NAA25: variants seen among roughly 807,000 people sequenced by gnomAD.
NAA25 encodes the protein N-alpha-acetyltransferase 25, NatB auxiliary subunit, also known as N-terminal acetyltransferase B complex subunit NAA25.
Under a neutral mutation model 132.5 loss-of-function variants are expected in NAA25, and 30 were observed. That is an observed-to-expected ratio of 0.23 (90% CI 0.17 to 0.31). The LOEUF (loss-of-function observed/expected upper bound fraction) is 0.31, where lower values mean the gene tolerates loss of function less well. Among genes scored for constraint, NAA25 ranks in the 10% least tolerant of loss-of-function variants. NAA25 has a pLI of 1.00. For missense variants in NAA25, 771 were observed against 1,150.4 expected (o/e 0.67, Z 4.77); for synonymous variants, 359 against 401.9 (o/e 0.89, Z 1.28).
intron 4 of NAA25, among the ~76,000 whole-genome samples, chr12:112,084,655 T>C (rs2079018885): frequency 6.7e-6 from 1 of 150,238 alleles, no homozygotes; most frequent in African/African-American, 2.5e-5. Context: ...CTGGGCTTAG[T>C]GGCGCGTGCC....
At chr12:112,047,834 G>A (rs1308733389) in intron 16 of NAA25, 44 bp from the exon 17 acceptor site, 1 of 1,536,730 alleles carries the variant, frequency 6.5e-7, no homozygotes, top group Non-Finnish European at 8.8e-7. Context: ...TAGTAAAATA[G>A]CCAGAAAATA....
intron 1 of NAA25, among the ~76,000 whole-genome samples, chr12:112,107,559 G>A (rs1195043793): frequency 3.3e-5 from 5 of 149,282 alleles, no homozygotes; most frequent in African/African-American, 1.2e-4. Context: ...AATCAAATGA[G>A]ATGTGAGAGT....
chr12:112,074,518 G>A (rs1454030056), intron 9 of NAA25, among the ~76,000 whole-genome samples, 157 bp downstream of exon 9: 2 of 152,162 alleles, frequency 1.3e-5, no homozygotes, highest in East Asian at 3.9e-4. Context: ...GAATGAACTT[G>A]TGTATTTTAT....
intron 13 of NAA25, among the ~76,000 whole-genome samples, chr12:112,056,191 G>A (rs145161401): frequency 3.9e-5 from 6 of 152,024 alleles, no homozygotes; most frequent in Middle Eastern, 3.4e-3. Flanking sequence ...AAAATTAGCC[G>A]GGCGTGGTGG....
rs186933664 is a variant in NAA25, at chr12:112,064,167, T to G, written c.1150-2779A>C. On this transcript the variant is annotated intron_variant, in intron 11 of 23. Coordinates refer to ENST00000261745, the MANE Select transcript of NAA25 (RefSeq NM_024953.4). ...ATAATTCTATTAATTTTAATCATTA[T>G]GATCAGATATATATATTTCATAATT... 2.0e-5 allele frequency: 3 copies of G among 152,362 alleles called. No individual in the cohort carries two copies. The East Asian group carries it at 5.8e-4, about 29-fold the overall frequency. 9.4% of individuals were successfully genotyped at this position (152,362 alleles called of 1,614,324 possible).
At chr12:112,091,083 C>T (rs2079121023) in intron 2 of NAA25, among the ~76,000 whole-genome samples, 1 of 151,894 alleles carries the variant, frequency 6.6e-6, no homozygotes, top group Non-Finnish European at 1.5e-5. Context: ...GCCTGGGCAA[C>T]GTGGTGAGAC....
intron 8 of NAA25, 60 bp from the exon 9 acceptor site, chr12:112,074,824 A>G: frequency 8.9e-7 from 1 of 1,126,352 alleles, no homozygotes; most frequent in South Asian, 1.4e-5. Context: ...GATCTTCCTT[A>G]GGAACCATGA....
In NAA25 at chr12:112,029,248, G is replaced by A; in HGVS notation, c.*283C>T. 8.5e-6 allele frequency: 3 copies of A among 352,286 alleles called. No individual in the cohort carries two copies. Among genetic ancestry groups the A allele is most frequent in the South Asian group, 9.5e-5 (2 of 21,160 alleles). 21.8% of individuals were successfully genotyped at this position (352,286 alleles called of 1,614,324 possible). ...CCGCTCCCCTGAAAAGATGTTTCTGGTGATGGGAAGAAGAAAAGTAGGGTT... is the reference window on the plus strand; with the variant it reads ...CCGCTCCCCTGAAAAGATGTTTCTGATGATGGGAAGAAGAAAAGTAGGGTT... On this transcript the variant is annotated 3_prime_UTR_variant, in exon 24 of 24. Transcript: ENST00000261745.
Position 112,029,647 on chromosome 12 carries a change from T to C in NAA25, c.2803A>G (p.Arg935Gly), listed in dbSNP as rs763234852. 1.2e-6 allele frequency: 2 copies of C among 1,613,070 alleles called. No individual in the cohort carries two copies. The highest frequency in any genetic ancestry group is 3.3e-5 in the Admixed American group (2 of 59,924). The change falls in exon 24 of 24, where the codon AGA becomes GGA. Residue 935 changes from arginine (R) to glycine (G), a missense_variant. Around this residue, in one of 3 missense-constraint regions of NAA25, gnomAD observed 324 missense variants for 400.0 expected, o/e 0.81. Transcript: ENST00000261745. ...CCTTGCACAGTCTTTGAAAATTTTC[T>C]CTCTTCCTATAAAGGAGGAGACAAG... Reference protein sequence around the residue: ...LEDTSLSPEERKFSKTVQGKV... With the variant: ...LEDTSLSPEEGKFSKTVQGKV...
chr12:112,081,209 A>G, intron 4 of NAA25, 75 bp from the exon 5 acceptor site: 1 of 1,273,832 alleles, frequency 7.9e-7, no homozygotes, highest in Non-Finnish European at 1.1e-6. Context: ...TACACGACAA[A>G]AAGTTTCTTG....
chr12:112,081,879 G>A (rs1248684357), intron 4 of NAA25, among the ~76,000 whole-genome samples: 1 of 152,162 alleles, frequency 6.6e-6, no homozygotes, highest in African/African-American at 2.4e-5. Flanking sequence ...TTCAAAGATC[G>A]CGTCCCTGTC....
At chr12:112,056,162 C>T (rs2078542156) in intron 13 of NAA25, among the ~76,000 whole-genome samples, 1 of 152,060 alleles carries the variant, frequency 6.6e-6, no homozygotes, top group Admixed American at 6.6e-5. Flanking sequence ...GGTAAAACCT[C>T]TTCTCTACTA....
intron 22 of NAA25, among the ~76,000 whole-genome samples, chr12:112,036,069 T>C (rs1172265628): frequency 6.6e-6 from 1 of 152,126 alleles, no homozygotes; most frequent in African/African-American, 2.4e-5. Context: ...ACTCAAACCT[T>C]AATAAAACAG....
chr12:112,045,981 T>C (rs1022072537), intron 17 of NAA25, among the ~76,000 whole-genome samples: 1 of 152,182 alleles, frequency 6.6e-6, no homozygotes, highest in African/African-American at 2.4e-5. Context: ...TTTATGACAG[T>C]ATGTGTAGAA....
At chr12:112,080,181 T>C (rs1339730330) in intron 5 of NAA25, among the ~76,000 whole-genome samples, 1 of 146,950 alleles carries the variant, frequency 6.8e-6, no homozygotes, top group East Asian at 2.1e-4. Context: ...CTCAGGAGGC[T>C]GAGGCAGGAG....
In NAA25 at chr12:112,076,362, T is replaced by C. The variant is rs573591270; in HGVS notation, c.665-573A>G. On this transcript the variant is annotated intron_variant, in intron 7 of 23. Coordinates refer to ENST00000261745, the MANE Select transcript of NAA25 (RefSeq NM_024953.4). Reference sequence around the variant, plus strand: ...TTCACAATGTATTGGGTTGAACATCTATTAATAGTACATGGGATATACTTA... The same window carrying C: ...TTCACAATGTATTGGGTTGAACATCCATTAATAGTACATGGGATATACTTA... Among the ~76,000 whole-genome samples the C allele has an allele frequency of 5.1e-4, 78 of 152,322 alleles. 1 individual carries two copies. The South Asian group carries it at 9.1e-3, about 18-fold the overall frequency.
At chr12:112,080,189 G>A (rs2078950888) in intron 5 of NAA25, among the ~76,000 whole-genome samples, 1 of 149,252 alleles carries the variant, frequency 6.7e-6, no homozygotes, top group Non-Finnish European at 1.5e-5. Flanking sequence ...GCTGAGGCAG[G>A]AGAATGGCGT....
intron 14 of NAA25, among the ~76,000 whole-genome samples, chr12:112,054,125 T>C (rs971828033): frequency 2.0e-5 from 3 of 152,216 alleles, no homozygotes; most frequent in African/African-American, 7.2e-5. Context: ...AAATAATGTG[T>C]GCTAAGAATA....
rs61468420 is a variant in NAA25, at chr12:112,048,874, G to A, written c.1729-431C>T. On this transcript the variant is annotated intron_variant, in intron 15 of 23. Coordinates refer to ENST00000261745, the MANE Select transcript of NAA25 (RefSeq NM_024953.4). Reference sequence around the variant, plus strand: ...AGAATAATAGAACCACCTGCCCCCCGCCCCCCCAAATAAAAACCACTCTCC... The same window carrying A: ...AGAATAATAGAACCACCTGCCCCCCACCCCCCCAAATAAAAACCACTCTCC... 3.2e-4 allele frequency among the ~76,000 whole-genome samples: 31 copies of A among 97,062 alleles called. 1 individual carries two copies. The East Asian group carries it at 7.4e-3, about 23-fold the overall frequency. The allele number at this position is 97,062 out of a possible 152,430, so 63.7% of individuals were successfully genotyped here.
Sources: gnomAD v4.1 joint callset for allele counts (sites outside exome capture counted in the v4.1 genomes callset) on GRCh38, gnomAD v4.1.1 for gene constraint, gnomAD v4.1.1 regional missense constraint, MANE v1.5 for transcripts, NCBI Gene and HGNC (gene_info 2026-07-23, HGNC 2026-07-21) for gene names.